UNC5A: variants seen among roughly 807,000 people sequenced by gnomAD.
UNC5A encodes netrin receptor UNC5A.
Under a neutral mutation model 87.4 loss-of-function variants are expected in UNC5A, and 20 were observed. The ratio of observed to expected loss-of-function variants is 0.23; its 90% CI spans 0.16 to 0.33. The LOEUF (loss-of-function observed/expected upper bound fraction) is 0.33, where lower values mean the gene tolerates loss of function less well. UNC5A is among the 10% of genes least tolerant of loss of function. UNC5A has a pLI of 1.00. For missense variants in UNC5A, 844 were observed against 1,133.4 expected (o/e 0.74, Z 3.67); for synonymous variants, 438 against 482.3 (o/e 0.91, Z 1.20).
intron 1 of UNC5A, among the ~76,000 whole-genome samples, chr5:176,817,481 T>C (rs546178843): frequency 1.3e-5 from 2 of 152,226 alleles, no homozygotes; most frequent in African/African-American, 4.8e-5. Flanking sequence ...AATTAGACTC[T>C]ACCCCTCCTA....
At chr5:176,815,686 G>T (rs1756570057) in intron 1 of UNC5A, among the ~76,000 whole-genome samples, 1 of 152,210 alleles carries the variant, frequency 6.6e-6, no homozygotes, top group Non-Finnish European at 1.5e-5. Context: ...CAGAGGTGGG[G>T]ACTTAAGCCG....
At chr5:176,870,677 T>C in intron 6 of UNC5A, 143 bp downstream of exon 6, 1 of 949,288 alleles carries the variant, frequency 1.1e-6, no homozygotes, top group African/African-American at 1.7e-5. Flanking sequence ...ATCCCCCTCA[T>C]CCTTAGCATA....
At chr5:176,863,353 G>A (rs1414778120) in intron 2 of UNC5A, among the ~76,000 whole-genome samples, 3 of 152,226 alleles carry the variant, frequency 2.0e-5, no homozygotes, top group African/African-American at 7.2e-5. Context: ...TCAGCAGTGA[G>A]GGTGAGGGTG....
At chr5:176,843,095 T>A (rs1410428441) in intron 1 of UNC5A, among the ~76,000 whole-genome samples, 33 of 147,054 alleles carry the variant, frequency 2.2e-4, no homozygotes, top group Non-Finnish European at 3.0e-5. Context: ...CAGGAGGCAG[T>A]GGTTGCAGTG....
intron 1 of UNC5A, among the ~76,000 whole-genome samples, chr5:176,819,581 A>ACAGGTC (rs1756678465): frequency 1.3e-5 from 2 of 152,134 alleles, no homozygotes; most frequent in Non-Finnish European, 2.9e-5. Flanking sequence ...CTACATCCTT[A>ACAGGTC]CAGGTCCAGG....
rs750976985 is a variant in UNC5A at position 176,869,511 on chromosome 5, C to A, written c.721+547C>A. 3.3e-6 allele frequency: 2 copies of A among 610,230 alleles called. No homozygotes were observed. Among genetic ancestry groups the A allele is most frequent in the Non-Finnish European group, 6.0e-6 (2 of 335,506 alleles). 37.8% of individuals were successfully genotyped at this position (610,230 alleles called of 1,614,324 possible). A position where few individuals can be genotyped will look rare whatever the true frequency, so the allele number is the denominator to read the frequency against. On this transcript the variant is annotated intron_variant, in intron 5 of 14. Transcript: ENST00000329542. The surrounding 1 kb of genome is among the most constrained non-coding windows in gnomAD (Gnocchi z 9.1). ...TCTCCCAGCTCAGCCACAGCCCACC[C>A]GTGTCCAGCTCACAGCCCCTCTGCC...
chr5:176,858,235 C>T (rs1757714293), intron 1 of UNC5A, among the ~76,000 whole-genome samples: 1 of 152,204 alleles, frequency 6.6e-6, no homozygotes, highest in African/African-American at 2.4e-5. Context: ...AGGACAGGCC[C>T]TAGATGCAGA....
chr5:176,846,967 G>T (rs1056789885), intron 1 of UNC5A, among the ~76,000 whole-genome samples: 8 of 152,142 alleles, frequency 5.3e-5, no homozygotes, highest in Admixed American at 3.9e-4. Flanking sequence ...GCAGAGCCGC[G>T]CACATGCTCT....
At position 176,877,902 on chromosome 5, in the gene UNC5A, G is replaced by A. The variant is rs757803171; in HGVS notation, c.1644G>A (p.Leu548=). The change falls in exon 11 of 15, where the codon CTG becomes CTA. Residue 548 remains leucine, a synonymous_variant. Coordinates refer to ENST00000329542, the MANE Select transcript of UNC5A (RefSeq NM_133369.3). ...QSCEGSWEDV[L]HLGEEAPSHL... is the part of the protein sequence containing the mutation. ...CTGACCCCTGCCCACAGGATGTGCTGCACCTGGGCGAGGAGGCGCCCTCCC... is the reference window on the plus strand; with the variant it reads ...CTGACCCCTGCCCACAGGATGTGCTACACCTGGGCGAGGAGGCGCCCTCCC... The A allele has an allele frequency of 5.0e-6, 8 of 1,601,020 alleles. No individual in the cohort carries two copies. The highest frequency in any genetic ancestry group is 5.9e-6 in the Non-Finnish European group (7 of 1,178,920).
chr5:176,877,308 T>C, intron 9 of UNC5A, 29 bp downstream of exon 9: 4 of 1,588,460 alleles, frequency 2.5e-6, no homozygotes, highest in Non-Finnish European at 3.4e-6. Context: ...TTGCCGGGGG[T>C]GGGAGGGACC....
At chr5:176,864,563 C>T (rs961100703) in intron 2 of UNC5A, among the ~76,000 whole-genome samples, 2 of 152,210 alleles carry the variant, frequency 1.3e-5, no homozygotes, top group African/African-American at 4.8e-5. Context: ...GGCCTTGGCT[C>T]TTACTCATCC....
Position 176,862,663 on chromosome 5 carries a change from G to A in UNC5A, c.110G>A (p.Gly37Asp). ...QSATVANPVPGANPDLLPHFL... is the reference protein window; with the variant it reads ...QSATVANPVPDANPDLLPHFL... ...GCCACCGTGGCCAACCCAGTGCCTG[G>A]TGCCAACCCGGACCTGCTTCCCCAC... Residue 37 changes from glycine (G) to aspartate (D), a missense_variant, in exon 2 of 15, where the codon GGT (glycine) becomes GAT (aspartate). Coordinates refer to ENST00000329542, the MANE Select transcript of UNC5A (RefSeq NM_133369.3). The A allele has an allele frequency of 1.1e-5, 17 of 1,613,584 alleles. No homozygotes were observed. Among genetic ancestry groups the A allele is most frequent in the Non-Finnish European group, 1.4e-5 (16 of 1,179,978 alleles).
rs1039635322 is a variant in UNC5A at position 176,870,417 on chromosome 5, G to T, written c.769G>T (p.Asp257Tyr). The T allele has an allele frequency of 1.9e-6, 3 of 1,612,282 alleles. No individual in the cohort carries two copies. Among genetic ancestry groups the T allele is most frequent in the Non-Finnish European group, 2.5e-6 (3 of 1,179,608 alleles). ...GAGCAAGTGGTCGGCCTGTGGGCTG[G>T]ACTGCACCCACTGGCGGAGCCGTGA... ...PWSKWSACGL[D>Y]CTHWRSRECS... The change falls in exon 6 of 15, where the codon GAC becomes TAC. Residue 257 changes from aspartate (D) to tyrosine (Y), a missense_variant. Transcript: ENST00000329542.
intron 6 of UNC5A, among the ~76,000 whole-genome samples, chr5:176,873,025 T>C (rs1404479430): frequency 3.1e-5 from 1 of 32,332 alleles, no homozygotes; most frequent in African/African-American, 1.0e-4. Flanking sequence ...CTGCCCACAC[T>C]CACCCAACAC....
chr5:176,828,640 A>G lies in UNC5A; in HGVS notation c.70+17820A>G, dbSNP rs532606372. 3.3e-5 allele frequency among the ~76,000 whole-genome samples: 5 copies of G among 152,302 alleles called. No individual in the cohort carries two copies. The East Asian group carries it at 7.7e-4, about 23-fold the overall frequency. The stretch of plus-strand genomic sequence containing the variant: ...TGTCACTCTCTGCTTTAGCTTCTTC[A>G]TGGCGTTTATCCACATTGGAGATGA... On this transcript the variant is annotated intron_variant, in intron 1 of 14. Transcript: ENST00000329542.
chr5:176,832,022 G>A (rs1028870585), intron 1 of UNC5A, among the ~76,000 whole-genome samples: 4 of 150,074 alleles, frequency 2.7e-5, no homozygotes, highest in South Asian at 2.1e-4. Context: ...TCATCCTCCC[G>A]AGTAGCTGGG....
At chr5:176,873,261 G>A (rs932654701) in intron 6 of UNC5A, among the ~76,000 whole-genome samples, 5 of 152,106 alleles carry the variant, frequency 3.3e-5, no homozygotes, top group South Asian at 2.1e-4. Flanking sequence ...TGGGAATGCC[G>A]GGCTTGTGAG....
intron 13 of UNC5A, 33 bp downstream of exon 13, chr5:176,878,672 G>A (rs370668444): frequency 6.9e-6 from 11 of 1,591,886 alleles, no homozygotes; most frequent in Middle Eastern, 1.8e-4. Flanking sequence ...CCGCCGTGAC[G>A]TGCTCCCACT....
At chr5:176,820,597 T>C (rs1190000806) in intron 1 of UNC5A, among the ~76,000 whole-genome samples, 1 of 152,160 alleles carries the variant, frequency 6.6e-6, no homozygotes, top group African/African-American at 2.4e-5. Context: ...AGTAACCCCA[T>C]AATAAGGGAA....
Sources: gnomAD v4.1 joint callset for allele counts (sites outside exome capture counted in the v4.1 genomes callset) on GRCh38, gnomAD v4.1.1 for gene constraint, Gnocchi (gnomAD v3.1) non-coding constraint, MANE v1.5 for transcripts, NCBI Gene and HGNC (gene_info 2026-07-23, HGNC 2026-07-21) for gene names.